KHDRBS2: variants seen among roughly 807,000 people sequenced by gnomAD.
The protein encoded by KHDRBS2 is KH domain-containing, RNA-binding, signal transduction-associated protein 2.
In KHDRBS2, 26 loss-of-function variants were observed where a neutral mutation model predicts 44.3. That is an observed-to-expected ratio of 0.59 (90% CI 0.43 to 0.81). KHDRBS2 has a LOEUF of 0.81. Ranked by LOEUF, KHDRBS2 falls within the 40% of genes least tolerant of loss-of-function variation. The pLI, the probability that KHDRBS2 is intolerant of heterozygous loss-of-function variation, is 0.00. For missense variants in KHDRBS2, 476 were observed against 433.1 expected (o/e 1.10, Z -0.88); for synonymous variants, 194 against 151.1 (o/e 1.28, Z -2.08).
chr6:62,062,716 G>T (rs1792306789), intron 2 of KHDRBS2, among the ~76,000 whole-genome samples: 3 of 147,632 alleles, frequency 2.0e-5, no homozygotes, highest in African/African-American at 5.0e-5. Flanking sequence ...ACAATTAAAA[G>T]AACTAGAAAA....
intron 6 of KHDRBS2, among the ~76,000 whole-genome samples, chr6:61,827,699 C>A (rs777834050): frequency 6.6e-6 from 1 of 152,068 alleles, no homozygotes; most frequent in Non-Finnish European, 1.5e-5. Context: ...CCAGTGTGGT[C>A]CGACTCTGGT....
chr6:62,086,062 A>G (rs1798318936), intron 2 of KHDRBS2, among the ~76,000 whole-genome samples: 2 of 152,184 alleles, frequency 1.3e-5, no homozygotes, highest in African/African-American at 4.8e-5. Context: ...TTACCAACGT[A>G]CATCAACAAT....
the KHDRBS2 span, chr6:61,652,183 G>T: frequency 6.6e-6 from 1 of 151,908 alleles, no homozygotes; most frequent in Non-Finnish European, 1.5e-5. Context: ...TTAATAATTG[G>T]AAAGAAATCT....
intron 4 of KHDRBS2, 77 bp from the exon 5 acceptor site, chr6:61,901,448 A>AG: frequency 1.7e-6 from 2 of 1,148,454 alleles, no homozygotes; most frequent in Non-Finnish European, 2.4e-6. Flanking sequence ...AAAAAGAAAC[A>AG]AAACAAAACG....
intron 6 of KHDRBS2, among the ~76,000 whole-genome samples, chr6:61,848,481 AT>A (rs1794766991): frequency 1.9e-5 from 1 of 52,172 alleles, no homozygotes; most frequent in East Asian, 3.9e-4. Flanking sequence ...ATATATATAT[AT>A]ATATATATGT....
At chr6:61,563,137 G>A in the KHDRBS2 span, among the ~76,000 whole-genome samples, 5 of 152,056 alleles carry the variant, frequency 3.3e-5, no homozygotes, top group Non-Finnish European at 7.4e-5. Flanking sequence ...TCCTCTACCA[G>A]TTTCTTCAAG....
chr6:61,975,212 G>C (rs1772319314), intron 4 of KHDRBS2, among the ~76,000 whole-genome samples: 1 of 152,056 alleles, frequency 6.6e-6, no homozygotes, highest in South Asian at 2.1e-4. Context: ...TAACATACAA[G>C]AGGTAGAAGA....
chr6:61,586,613 A>T, the KHDRBS2 span, among the ~76,000 whole-genome samples: 4 of 152,174 alleles, frequency 2.6e-5, no homozygotes, highest in African/African-American at 7.2e-5. Context: ...TCTTGATATC[A>T]ATCTATGACA....
intron 6 of KHDRBS2, among the ~76,000 whole-genome samples, chr6:61,769,814 T>C (rs1312061550): frequency 6.6e-6 from 1 of 152,184 alleles, no homozygotes; most frequent in East Asian, 1.9e-4. Flanking sequence ...TAAATGTCCC[T>C]CTCTGACAGC....
intron 4 of KHDRBS2, among the ~76,000 whole-genome samples, chr6:61,976,537 C>T (rs148448586): frequency 2.6e-5 from 4 of 151,888 alleles, no homozygotes. Flanking sequence ...CTTGATATTT[C>T]TATTATATTT....
At chr6:61,819,571 C>T (rs1789546562) in intron 6 of KHDRBS2, among the ~76,000 whole-genome samples, 1 of 151,942 alleles carries the variant, frequency 6.6e-6, no homozygotes. Flanking sequence ...ACTGAGTGCA[C>T]TGTTCTTTCT....
chr6:61,663,775 C>G, the KHDRBS2 span, among the ~76,000 whole-genome samples: 1 of 151,264 alleles, frequency 6.6e-6, no homozygotes, highest in Non-Finnish European at 1.5e-5. Flanking sequence ...CTTTTACACC[C>G]TGAATTATTT....
chr6:61,766,675 T>A (rs1336383742), intron 6 of KHDRBS2, among the ~76,000 whole-genome samples: 1 of 152,044 alleles, frequency 6.6e-6, no homozygotes, highest in African/African-American at 2.4e-5. Flanking sequence ...TTTTCATTTG[T>A]TTTGAGAAAT....
intron 1 of KHDRBS2, among the ~76,000 whole-genome samples, chr6:62,269,315 G>A (rs1030955558): frequency 4.0e-5 from 6 of 151,840 alleles, no homozygotes; most frequent in African/African-American, 1.5e-4. Flanking sequence ...CACATATTAG[G>A]GAAAAATATC....
At chr6:62,055,761 G>A (rs1790141684) in intron 2 of KHDRBS2, among the ~76,000 whole-genome samples, 1 of 152,012 alleles carries the variant, frequency 6.6e-6, no homozygotes, top group Non-Finnish European at 1.5e-5. Context: ...TTCGTGGTGG[G>A]TTTTGTCAAT....
chr6:61,832,271 T>C (rs998711803), intron 6 of KHDRBS2, among the ~76,000 whole-genome samples: 10 of 152,142 alleles, frequency 6.6e-5, no homozygotes, highest in African/African-American at 2.2e-4. Flanking sequence ...TTGAATGGTC[T>C]AAATTATTTT....
intron 2 of KHDRBS2, among the ~76,000 whole-genome samples, chr6:62,083,736 T>C (rs1391655076): frequency 1.3e-5 from 2 of 152,156 alleles, no homozygotes; most frequent in African/African-American, 4.8e-5. Flanking sequence ...TTGCAAGTCC[T>C]GCAAAGGGGT....
In KHDRBS2 at chr6:62,070,649, C is replaced by T. The variant is rs547956458; in HGVS notation, c.220-22655G>A. ...ATGATGGTTTCCAGCTTCATCCATG[C>T]CCCTACAAAGGACATGAACTCATCA... On this transcript the variant is annotated intron_variant, in intron 2 of 8. Transcript: ENST00000281156. 3.3e-5 allele frequency among the ~76,000 whole-genome samples: 5 copies of T among 151,984 alleles called. No individual in the cohort carries two copies. In the South Asian group the frequency reaches 6.2e-4, roughly 19 times the overall value.
chr6:61,922,562 A>G (rs1219605919), intron 4 of KHDRBS2, among the ~76,000 whole-genome samples: 2 of 152,042 alleles, frequency 1.3e-5, no homozygotes, highest in Non-Finnish European at 2.9e-5. Context: ...ACCACCAGAA[A>G]AGACTAGAAG....
Sources: gnomAD v4.1 joint callset for allele counts (sites outside exome capture counted in the v4.1 genomes callset) on GRCh38, gnomAD v4.1.1 for gene constraint, MANE v1.5 for transcripts, NCBI Gene and HGNC (gene_info 2026-07-23, HGNC 2026-07-21) for gene names.